The following MIPEP variants were observed in gnomAD, a reference collection of about 807,000 sequenced individuals.
The protein encoded by MIPEP is mitochondrial intermediate peptidase.
MIPEP carries 79 observed loss-of-function variants against 90.3 expected under a neutral mutation model. That is an observed-to-expected ratio of 0.87 (90% CI 0.73 to 1.05). MIPEP has a LOEUF of 1.05. Among genes scored for constraint, MIPEP ranks in the 50% least tolerant of loss-of-function variants. MIPEP has a pLI of 0.00. For synonymous variants in MIPEP, 334 were observed against 315.8 expected, an observed-to-expected ratio of 1.06 and a Z score of -0.61; for missense variants, 940 against 905.6, an observed-to-expected ratio of 1.04 and a Z score of -0.49.
At chr13:23,766,649 T>TA (rs1952593880) in intron 16 of MIPEP, among the ~76,000 whole-genome samples, 1 of 152,186 alleles carries the variant, frequency 6.6e-6, no homozygotes, top group Non-Finnish European at 1.5e-5. Context: ...TTCTAACTGA[T>TA]AAAAAGTCCC....
At position 23,791,617 on chromosome 13, in the gene MIPEP, C is replaced by G. The variant is rs1952898786; in HGVS notation, c.1848+14333G>C. 2.6e-5 allele frequency among the ~76,000 whole-genome samples: 4 copies of G among 152,218 alleles called. 1 individual carries two copies. In the South Asian group the frequency reaches 8.3e-4, roughly 32 times the overall value. Reference sequence around the variant, plus strand: ...ATCCCTTCCCCTTGTCTATTCTCCCCTGCATCACTGGCTTTTCAGTCTTAA... The same window carrying G: ...ATCCCTTCCCCTTGTCTATTCTCCCGTGCATCACTGGCTTTTCAGTCTTAA... On this transcript the variant is annotated intron_variant, in intron 16 of 18. Coordinates refer to ENST00000382172, the MANE Select transcript of MIPEP (RefSeq NM_005932.4).
chr13:23,834,142 G>C (rs548507974), intron 14 of MIPEP, among the ~76,000 whole-genome samples: 1 of 152,154 alleles, frequency 6.6e-6, no homozygotes, highest in Non-Finnish European at 1.5e-5. Flanking sequence ...TGAGGGGAGA[G>C]GGGCCGAGCC....
rs531389524 is a variant in MIPEP, at chr13:23,850,544, A to G, written c.1106+8316T>C. On this transcript the variant is annotated intron_variant, in intron 10 of 18. Transcript: ENST00000382172. ...CATTAATGGTGCAGATCAGCAACACAGTTCACTGAAAACTGTGGTTAACAG... is the reference window on the plus strand; with the variant it reads ...CATTAATGGTGCAGATCAGCAACACGGTTCACTGAAAACTGTGGTTAACAG... Among the ~76,000 whole-genome samples the G allele has an allele frequency of 2.1e-4, 32 of 152,346 alleles. No individual in the cohort carries two copies. The East Asian group carries it at 5.8e-3, about 28-fold the overall frequency.
chr13:23,869,790 T>A (rs1870703579), intron 6 of MIPEP, among the ~76,000 whole-genome samples: 1 of 152,226 alleles, frequency 6.6e-6, no homozygotes, highest in Non-Finnish European at 1.5e-5. Context: ...GTGTTATTAA[T>A]CATACTTTAA....
At chr13:23,812,069 T>C (rs200007593) in intron 14 of MIPEP, among the ~76,000 whole-genome samples, 1 of 152,146 alleles carries the variant, frequency 6.6e-6, no homozygotes, top group Non-Finnish European at 1.5e-5. Context: ...ATGAAGACCA[T>C]GTAAGCAAGC....
chr13:23,850,413 TTC>T (rs1869749303), intron 10 of MIPEP, among the ~76,000 whole-genome samples: 1 of 152,172 alleles, frequency 6.6e-6, no homozygotes, highest in Admixed American at 6.5e-5. Context: ...TTTCCCCCTG[TTC>T]TATAAAGAAT....
chr13:23,840,553 T>G (rs926766134), intron 11 of MIPEP, among the ~76,000 whole-genome samples: 12 of 152,224 alleles, frequency 7.9e-5, no homozygotes, highest in East Asian at 3.8e-4. Context: ...TTTTGGAAGT[T>G]TGTAATACAG....
intron 14 of MIPEP, among the ~76,000 whole-genome samples, chr13:23,819,055 T>C (rs1953275569): frequency 2.0e-5 from 3 of 152,258 alleles, no homozygotes; most frequent in Non-Finnish European, 4.4e-5. Flanking sequence ...TGCAGAAATA[T>C]GAATGTGTTT....
chr13:23,814,035 AATT>A (rs1953206865), intron 14 of MIPEP, among the ~76,000 whole-genome samples: 1 of 152,336 alleles, frequency 6.6e-6, no homozygotes, highest in African/African-American at 2.4e-5. Flanking sequence ...ATAATATTAT[AATT>A]ATGTTCATTA....
chr13:23,888,005 T>A (rs1871584163), intron 1 of MIPEP: 1 of 377,144 alleles, frequency 2.7e-6, no homozygotes, highest in Non-Finnish European at 5.1e-6. Context: ...GGATTACCAG[T>A]GACCATAATG....
chr13:23,848,958 C>T (rs1869676310), intron 10 of MIPEP, among the ~76,000 whole-genome samples: 1 of 152,166 alleles, frequency 6.6e-6, no homozygotes. Context: ...TCTGAGGGGC[C>T]CCAAGGAGCA....
At chr13:23,885,420 T>C (rs1306811876) in intron 2 of MIPEP, among the ~76,000 whole-genome samples, 1 of 152,140 alleles carries the variant, frequency 6.6e-6, no homozygotes, top group Non-Finnish European at 1.5e-5. Context: ...AATTTAATTG[T>C]AGATTTTAAA....
chr13:23,825,143 G>C (rs1032321840), intron 14 of MIPEP, among the ~76,000 whole-genome samples: 6 of 152,128 alleles, frequency 3.9e-5, no homozygotes, highest in African/African-American at 1.2e-4. Flanking sequence ...TCAATGACTG[G>C]TCTAAAGCCA....
In MIPEP at chr13:23,878,429, T is replaced by C. The variant is rs8000572; in HGVS notation, c.539+839A>G. Reference sequence around the variant, plus strand: ...AAACTGGATGATCAATTGGTCCCTATAGAAAATGGCTTCATTTGGGGTCAA... The same window carrying C: ...AAACTGGATGATCAATTGGTCCCTACAGAAAATGGCTTCATTTGGGGTCAA... On this transcript the variant is annotated intron_variant, in intron 4 of 18. Transcript: ENST00000382172. Among the ~76,000 whole-genome samples, 1,189 of 152,082 alleles carry C rather than the reference T, an allele frequency of 7.8e-3. 14 individuals are homozygous for C. The highest frequency in any genetic ancestry group is 0.027 in the African/African-American group (1,129 of 41,494).
At chr13:23,781,990 C>A (rs1204488428) in intron 16 of MIPEP, among the ~76,000 whole-genome samples, 1 of 152,056 alleles carries the variant, frequency 6.6e-6, no homozygotes, top group African/African-American at 2.4e-5. Context: ...ACTTAGACTC[C>A]CACACAATAA....
chr13:23,784,718 G>C (rs1025169204), intron 16 of MIPEP, among the ~76,000 whole-genome samples: 1 of 151,972 alleles, frequency 6.6e-6, no homozygotes, highest in East Asian at 1.9e-4. Flanking sequence ...AGAATGGGAG[G>C]AAATTTTTGC....
intron 16 of MIPEP, among the ~76,000 whole-genome samples, chr13:23,786,667 G>A (rs1952844391): frequency 6.6e-6 from 1 of 151,798 alleles, no homozygotes; most frequent in African/African-American, 2.4e-5. Context: ...AGGAAAGAGT[G>A]ACTTTACTAG....
intron 16 of MIPEP, among the ~76,000 whole-genome samples, chr13:23,776,177 C>G (rs1195575026): frequency 6.6e-6 from 1 of 152,054 alleles, no homozygotes; most frequent in Non-Finnish European, 1.5e-5. Context: ...AAACTTCAAA[C>G]CTCTAAGGCC....
chr13:23,839,774 T>C, intron 11 of MIPEP, 48 bp from the exon 12 acceptor site: 1 of 1,355,232 alleles, frequency 7.4e-7, no homozygotes, highest in Non-Finnish European at 1.0e-6. Flanking sequence ...CATCTGATTC[T>C]CTAAAATCCC....
Sources: allele counts gnomAD v4.1 joint callset (sites outside exome capture counted in the v4.1 genomes callset), GRCh38; gene constraint gnomAD v4.1.1; transcripts MANE v1.5; gene names NCBI Gene and HGNC (gene_info 2026-07-23, HGNC 2026-07-21).